CYRIB: variants seen among roughly 807,000 people sequenced by gnomAD.
The protein encoded by CYRIB is CYFIP related Rac1 interactor B, also known as CYFIP-related Rac1 interactor B.
CYRIB carries 8 observed loss-of-function variants against 44.2 expected under a neutral mutation model. That is an observed-to-expected ratio of 0.18 (90% CI 0.11 to 0.33). The LOEUF is 0.33. Among genes scored for constraint, CYRIB ranks in the 10% least tolerant of loss-of-function variants. CYRIB has a pLI of 1.00. For synonymous variants in CYRIB, 131 were observed against 127.2 expected, an observed-to-expected ratio of 1.03 and a Z score of -0.20; for missense variants, 185 against 382.8, an observed-to-expected ratio of 0.48 and a Z score of 4.31.
At chr8:129,912,379 G>A (rs955089114) in intron 1 of CYRIB, 1 of 150,926 alleles carries the variant, frequency 6.6e-6, no homozygotes, top group East Asian at 1.9e-4. Context: ...CACTCCCCCA[G>A]TACCACTCTC....
intron 7 of CYRIB, among the ~76,000 whole-genome samples, 178 bp downstream of exon 9, chr8:129,854,088 A>G (rs537789043): frequency 1.3e-5 from 2 of 152,368 alleles, no homozygotes; most frequent in South Asian, 4.1e-4. Context: ...GAAGAAAAAC[A>G]GGTAAACACC....
chr8:129,970,812 T>C (rs959826914), intron 2 of CYRIB, 131 bp downstream of exon 2: 1 of 152,264 alleles, frequency 6.6e-6, no homozygotes, highest in Non-Finnish European at 1.5e-5. Flanking sequence ...AGGAGGTTCT[T>C]ATTTCTATGC....
At chr8:130,007,039 A>C (rs1172530175) in intron 1 of CYRIB, among the ~76,000 whole-genome samples, 1 of 152,118 alleles carries the variant, frequency 6.6e-6, no homozygotes, top group East Asian at 1.9e-4. Flanking sequence ...GAGGTAGATT[A>C]TTAGTATGAG....
upstream of CYRIB, among the ~76,000 whole-genome samples, chr8:129,940,090 G>C (rs557253916): frequency 1.3e-5 from 2 of 152,300 alleles, no homozygotes; most frequent in East Asian, 1.9e-4. Context: ...ATCGCGCCGA[G>C]ATAGCTTCTG....
upstream of CYRIB, chr8:130,016,672 C>G (rs1304198590): frequency 1.3e-5 from 2 of 149,098 alleles, no homozygotes; most frequent in African/African-American, 2.4e-5. Flanking sequence ...CGCGCCTCCC[C>G]CCGCGCCCAG....
At chr8:129,922,078 C>T (rs553588310) in intron 1 of CYRIB, among the ~76,000 whole-genome samples, 26 of 152,322 alleles carry the variant, frequency 1.7e-4, no homozygotes, top group South Asian at 4.1e-4. Flanking sequence ...AGTGGCCACA[C>T]TGCACTAACC....
chr8:129,926,725 A>G (rs1472476355), intron 1 of CYRIB, among the ~76,000 whole-genome samples: 1 of 152,196 alleles, frequency 6.6e-6, no homozygotes, highest in African/African-American at 2.4e-5. Context: ...GAAATGCAAA[A>G]GAACAAAGGT....
chr8:129,939,423 G>A (rs566499911), intron 1 of CYRIB, among the ~76,000 whole-genome samples: 13 of 151,808 alleles, frequency 8.6e-5, no homozygotes, highest in African/African-American at 2.7e-4. Context: ...GGGGCCGCGG[G>A]GCCACAGAGG....
chr8:129,971,677 G>GC (rs1197656950), intron 1 of CYRIB, among the ~76,000 whole-genome samples: 7 of 152,178 alleles, frequency 4.6e-5, no homozygotes, highest in African/African-American at 1.7e-4. Context: ...GGCTGCAGCA[G>GC]CAAGTCTTGG....
intron 4 of CYRIB, among the ~76,000 whole-genome samples, chr8:129,868,984 G>A (rs544701414): frequency 6.9e-6 from 1 of 144,326 alleles, no homozygotes; most frequent in East Asian, 2.0e-4. Flanking sequence ...GACTGCTTGA[G>A]GCCAAGAGTT....
intron 1 of CYRIB, chr8:129,904,510 C>CG (rs1390678236): frequency 2.6e-5 from 4 of 152,168 alleles, no homozygotes; most frequent in African/African-American, 9.7e-5. Context: ...CTTGGATTGG[C>CG]GTTCCCTCTT....
intron 2 of CYRIB, among the ~76,000 whole-genome samples, chr8:129,956,972 G>T (rs1191290913): frequency 6.6e-6 from 1 of 151,786 alleles, no homozygotes; most frequent in Non-Finnish European, 1.5e-5. Context: ...CCAAGTAGCT[G>T]GGACTACAGA....
intron 4 of CYRIB, among the ~76,000 whole-genome samples, chr8:129,863,614 C>G (rs896274123): frequency 6.6e-6 from 1 of 151,578 alleles, no homozygotes; most frequent in African/African-American, 2.4e-5. Context: ...TAGATAATAA[C>G]TTTTCTCAGG....
At chr8:129,929,915 G>A (rs1013450526) in intron 1 of CYRIB, among the ~76,000 whole-genome samples, 3 of 152,076 alleles carry the variant, frequency 2.0e-5, no homozygotes, top group Non-Finnish European at 4.4e-5. Flanking sequence ...CCAGTTATGC[G>A]TTTAAAAACA....
intron 3 of CYRIB, among the ~76,000 whole-genome samples, chr8:129,877,648 CA>C (rs34206018): frequency 0.72 from 88,666 of 123,856 alleles, 33,351 homozygotes; most frequent in South Asian, 0.89. Context: ...GACCTCATAT[CA>C]AAAAAAAAAA....
chr8:129,886,168 T>C (rs1316349710), intron 2 of CYRIB, among the ~76,000 whole-genome samples: 1 of 152,178 alleles, frequency 6.6e-6, no homozygotes, highest in African/African-American at 2.4e-5. Flanking sequence ...CCTTTCAAAC[T>C]CCGATTCTTT....
chr8:129,968,444 TA>T (rs2095569413), intron 2 of CYRIB, among the ~76,000 whole-genome samples: 1 of 152,246 alleles, frequency 6.6e-6, no homozygotes, highest in South Asian at 2.1e-4. Flanking sequence ...TAAGACATCT[TA>T]ATCATTTTAA....
intron 8 of CYRIB, chr8:129,851,185 G>T: frequency 2.4e-6 from 1 of 409,496 alleles, no homozygotes; most frequent in Non-Finnish European, 4.4e-6. Context: ...GGGGTCAAAG[G>T]TGTAGAGTTT....
intron 2 of CYRIB, among the ~76,000 whole-genome samples, chr8:129,967,966 T>G (rs1233292436): frequency 6.6e-6 from 1 of 152,188 alleles, no homozygotes; most frequent in Non-Finnish European, 1.5e-5. Context: ...CTACTCTTGG[T>G]GATTTCCCAT....
Sources: allele counts gnomAD v4.1 joint callset (sites outside exome capture counted in the v4.1 genomes callset), GRCh38; gene constraint gnomAD v4.1.1; transcripts MANE v1.5; gene names NCBI Gene and HGNC (gene_info 2026-07-23, HGNC 2026-07-21).